The following LRRC3C variants were observed in gnomAD, a reference collection of about 807,000 sequenced individuals.
The protein encoded by LRRC3C is leucine rich repeat containing 3C.
Under a neutral mutation model 14.8 loss-of-function variants are expected in LRRC3C, and 11 were observed. The observed-to-expected ratio is 0.74, with a 90% CI of 0.47 to 1.23. The LOEUF (loss-of-function observed/expected upper bound fraction) is 1.23. Among genes scored for constraint, LRRC3C ranks in the 50% most tolerant of loss-of-function variants. The probability of loss-of-function intolerance (pLI) is 0.00; values close to 1 mark genes in which losing one functional copy is unlikely to be tolerated. For synonymous variants in LRRC3C, 149 were observed against 161.5 expected (o/e 0.92, Z 0.59); for missense variants, 354 against 361.8 (o/e 0.98, Z 0.18).
At chr17:39,930,708 CAAAAAA>C (rs71300058) in intron 1 of LRRC3C, among the ~76,000 whole-genome samples, 8 of 70,646 alleles carry the variant, frequency 1.1e-4, no homozygotes, top group African/African-American at 3.6e-4. Context: ...GGCTCTGTCT[CAAAAAA>C]AAAAAAAAAA....
At chr17:39,933,838 G>A (rs1443363347) in intron 1 of LRRC3C, among the ~76,000 whole-genome samples, 1 of 152,226 alleles carries the variant, frequency 6.6e-6, no homozygotes, top group African/African-American at 2.4e-5. Context: ...TTCCTGAAGG[G>A]AGGGTGGTGA....
chr17:39,932,815 G>T (rs1220590133), intron 1 of LRRC3C, among the ~76,000 whole-genome samples: 2 of 151,646 alleles, frequency 1.3e-5, no homozygotes, highest in African/African-American at 2.4e-5. Flanking sequence ...ACTTTGGGAG[G>T]CCGAGGCAGG....
At chr17:39,939,400 G>A (rs1207684492) in intron 2 of LRRC3C, 1 of 985,254 alleles carries the variant, frequency 1.0e-6, no homozygotes, top group East Asian at 1.1e-4. Context: ...ACATGTCTGT[G>A]CCTCCCTCCA....
chr17:39,944,440 G>C lies in LRRC3C; in HGVS notation c.534G>C (p.Val178=). ...LQEVLRQVRL[V]PGTGTGIVCG... is the part of the protein sequence containing the mutation. The stretch of plus-strand genomic sequence containing the variant: ...AAGTGCTCCGGCAGGTGAGGCTGGT[G>C]CCGGGCACTGGGACAGGCATCGTGT... The change falls in exon 4 of 4, where the codon GTG becomes GTC. Residue 178 remains valine (V), a synonymous_variant. Coordinates refer to ENST00000377924, the MANE Select transcript of LRRC3C (RefSeq NM_001195545.2). 1 of 1,489,444 alleles carries C rather than the reference G, an allele frequency of 6.7e-7. No individual in the cohort carries two copies. Among genetic ancestry groups the C allele is most frequent in the Admixed American group, 2.1e-5 (1 of 46,928 alleles). 92.3% of individuals were successfully genotyped at this position (1,489,444 alleles called of 1,614,324 possible). A position where few individuals can be genotyped will look rare whatever the true frequency, so the allele number is the denominator to read the frequency against.
intron 1 of LRRC3C, among the ~76,000 whole-genome samples, chr17:39,932,040 G>C (rs546704432): frequency 6.6e-6 from 1 of 152,228 alleles, no homozygotes; most frequent in East Asian, 1.9e-4. Context: ...AGCCAAAATA[G>C]AGCAGCACTG....
At chr17:39,940,410 C>A (rs533707282) in intron 2 of LRRC3C, among the ~76,000 whole-genome samples, 1 of 152,064 alleles carries the variant, frequency 6.6e-6, no homozygotes, top group African/African-American at 2.4e-5. Context: ...TCTTAAAATT[C>A]TTTTTTATTT....
chr17:39,936,979 T>TA (rs1176048682), intron 2 of LRRC3C, among the ~76,000 whole-genome samples: 2 of 146,710 alleles, frequency 1.4e-5, no homozygotes, highest in Non-Finnish European at 3.0e-5. Context: ...ATAACATTAA[T>TA]AAAAAAAATT....
intron 1 of LRRC3C, among the ~76,000 whole-genome samples, chr17:39,932,026 G>C (rs1344677633): frequency 6.6e-6 from 1 of 152,114 alleles, no homozygotes. Flanking sequence ...TAATGATTAA[G>C]ATAAGCCAAA....
chr17:39,941,365 A>G (rs1598294986), intron 2 of LRRC3C, 78 bp from the exon 3 acceptor site: 1 of 497,764 alleles, frequency 2.0e-6, no homozygotes, highest in East Asian at 3.5e-5. Context: ...AAAAAAAAAA[A>G]AAAAAGGAAG....
intron 2 of LRRC3C, among the ~76,000 whole-genome samples, chr17:39,936,407 T>C (rs1476472916): frequency 6.6e-6 from 1 of 152,190 alleles, no homozygotes; most frequent in Non-Finnish European, 1.5e-5. Flanking sequence ...CTCAGGTCTT[T>C]ATCATCTCAC....
chr17:39,938,131 C>T (rs913630146), intron 2 of LRRC3C, among the ~76,000 whole-genome samples: 3 of 150,248 alleles, frequency 2.0e-5, no homozygotes, highest in Non-Finnish European at 4.4e-5. Flanking sequence ...GACTCTGTCT[C>T]AACAAGAAAA....
At chr17:39,939,466 A>G in intron 2 of LRRC3C, 7 of 920,012 alleles carry the variant, frequency 7.6e-6, no homozygotes, top group Non-Finnish European at 9.1e-6. Flanking sequence ...AGCTTTCGAA[A>G]GAAACCAGTG....
At chr17:39,943,478 C>A (rs969990481) in intron 3 of LRRC3C, among the ~76,000 whole-genome samples, 2 of 152,210 alleles carry the variant, frequency 1.3e-5, no homozygotes, top group African/African-American at 4.8e-5. Context: ...TGCCCTGACA[C>A]CCTGTCGCTC....
rs1280287163 is a variant in LRRC3C at position 39,935,798 on chromosome 17, A to G, written c.-174-4A>G. ...ATGTATACACCCCTTGCTCTTTTCTACAGGGAACAACAATAGCAGAGGCCT... is the reference window on the plus strand; with the variant it reads ...ATGTATACACCCCTTGCTCTTTTCTGCAGGGAACAACAATAGCAGAGGCCT... On this transcript the variant is annotated splice_polypyrimidine_tract_variant and splice_region_variant and intron_variant, in intron 1 of 3. Transcript: ENST00000377924. The G allele has an allele frequency of 1.0e-6, 1 of 985,174 alleles. No individual in the cohort carries two copies. The highest frequency in any genetic ancestry group is 1.2e-6 in the Non-Finnish European group (1 of 829,834). The allele number at this position is 985,174 out of a possible 1,614,324, so 61.0% of individuals were successfully genotyped here.
intron 1 of LRRC3C, among the ~76,000 whole-genome samples, chr17:39,932,715 G>A (rs376749245): frequency 1.3e-5 from 2 of 151,592 alleles, no homozygotes; most frequent in African/African-American, 4.9e-5. Context: ...TTATGATCTC[G>A]CTATTTCACT....
At chr17:39,928,760 G>C (rs372750009) in intron 1 of LRRC3C, among the ~76,000 whole-genome samples, 12 of 152,312 alleles carry the variant, frequency 7.9e-5, no homozygotes, top group South Asian at 4.1e-4. Flanking sequence ...GAAGGAAAAG[G>C]CTAGCCCAGG....
intron 1 of LRRC3C, among the ~76,000 whole-genome samples, chr17:39,930,511 C>A (rs1978620584): frequency 6.7e-6 from 1 of 148,554 alleles, no homozygotes; most frequent in African/African-American, 2.5e-5. Flanking sequence ...AGTTTGACAC[C>A]AGCCTGGCCA....
chr17:39,932,158 C>T (rs1267330675), intron 1 of LRRC3C, among the ~76,000 whole-genome samples: 1 of 152,010 alleles, frequency 6.6e-6, no homozygotes, highest in African/African-American at 2.4e-5. Flanking sequence ...TCAGTTACCT[C>T]GTTGCTAAAA....
At chr17:39,937,523 C>T (rs1406938572) in intron 2 of LRRC3C, among the ~76,000 whole-genome samples, 1 of 152,244 alleles carries the variant, frequency 6.6e-6, no homozygotes, top group Non-Finnish European at 1.5e-5. Context: ...GCATCCATGG[C>T]GTGCAAGCCA....
Sources: gnomAD v4.1 joint callset for allele counts (sites outside exome capture counted in the v4.1 genomes callset) on GRCh38, gnomAD v4.1.1 for gene constraint, MANE v1.5 for transcripts, NCBI Gene and HGNC (gene_info 2026-07-23, HGNC 2026-07-21) for gene names.